SIPA1L1: variants seen among roughly 807,000 people sequenced by gnomAD.
SIPA1L1 encodes the protein signal-induced proliferation-associated 1-like protein 1.
Under a neutral mutation model 162.7 loss-of-function variants are expected in SIPA1L1, and 26 were observed. The ratio of observed to expected loss-of-function variants is 0.16; its 90% confidence interval spans 0.12 to 0.22. The LOEUF is 0.22. Among genes scored for constraint, SIPA1L1 ranks in the 10% least tolerant of loss-of-function variants. SIPA1L1 has a pLI of 1.00. For synonymous variants in SIPA1L1, 829 were observed against 837.4 expected, an observed-to-expected ratio of 0.99 and a Z score of 0.17; for missense variants, 1,874 against 2,241.0, an observed-to-expected ratio of 0.84 and a Z score of 3.31.
intron 17 of SIPA1L1, among the ~76,000 whole-genome samples, chr14:71,719,757 G>A (rs192220320): frequency 3.3e-5 from 5 of 152,294 alleles, no homozygotes; most frequent in African/African-American, 9.6e-5. Flanking sequence ...CCCCCAAAGT[G>A]CTGGGATTAC....
At chr14:71,531,842 A>G (rs574769091) in intron 4 of SIPA1L1, among the ~76,000 whole-genome samples, 40 of 152,316 alleles carry the variant, frequency 2.6e-4, no homozygotes, top group African/African-American at 8.7e-4. Context: ...TTTTGCATTC[A>G]AAAAACTAAT....
At chr14:71,416,538 A>G (rs1417967577) in intron 2 of SIPA1L1, among the ~76,000 whole-genome samples, 1 of 152,062 alleles carries the variant, frequency 6.6e-6, no homozygotes, top group African/African-American at 2.4e-5. Flanking sequence ...TTCTTCTGTT[A>G]TACATCCATT....
intron 17 of SIPA1L1, among the ~76,000 whole-genome samples, chr14:71,714,422 C>A (rs2083107818): frequency 6.6e-6 from 1 of 152,140 alleles, no homozygotes; most frequent in South Asian, 2.1e-4. Context: ...AGCCCAAATT[C>A]TTCAAGTGTC....
chr14:71,374,815 C>T (rs950465734), intron 2 of SIPA1L1, among the ~76,000 whole-genome samples: 3 of 151,424 alleles, frequency 2.0e-5, no homozygotes, highest in African/African-American at 7.3e-5. Flanking sequence ...TCTTCCTATA[C>T]AAGGTAAGGA....
At chr14:71,611,736 C>G (rs1286123030) in intron 5 of SIPA1L1, among the ~76,000 whole-genome samples, 1 of 152,304 alleles carries the variant, frequency 6.6e-6, no homozygotes, top group East Asian at 1.9e-4. Flanking sequence ...ACATGACTCA[C>G]TCTTTTTTAT....
chr14:71,560,010 G>A (rs980368058), intron 4 of SIPA1L1, among the ~76,000 whole-genome samples: 25 of 152,062 alleles, frequency 1.6e-4, no homozygotes, highest in Admixed American at 8.5e-4. Flanking sequence ...TCTGATTATT[G>A]TAACTGAATT....
At chr14:71,553,997 A>G (rs2056114820) in intron 4 of SIPA1L1, among the ~76,000 whole-genome samples, 1 of 152,222 alleles carries the variant, frequency 6.6e-6, no homozygotes, top group Non-Finnish European at 1.5e-5. Flanking sequence ...TCTGAATGGA[A>G]TATTCCGTTC....
chr14:71,738,204 GC>G, intron 22 of SIPA1L1, 36 bp from the exon 23 acceptor site: 1 of 1,076,302 alleles, frequency 9.3e-7, no homozygotes, highest in Non-Finnish European at 1.4e-6. Context: ...AGCCATGGAG[GC>G]CCCTGCCAAC....
intron 5 of SIPA1L1, among the ~76,000 whole-genome samples, chr14:71,614,077 G>A (rs1199042194): frequency 6.6e-6 from 1 of 152,122 alleles, no homozygotes; most frequent in Non-Finnish European, 1.5e-5. Context: ...GCACGTGCCT[G>A]TAGTCCCAGC....
At chr14:71,536,507 G>A (rs12885344) in intron 4 of SIPA1L1, among the ~76,000 whole-genome samples, 24,811 of 152,176 alleles carry the variant, frequency 0.16, 2,623 homozygotes, top group Middle Eastern at 0.35. Context: ...TTTAAAGGAA[G>A]TCTGCATTTT....
intron 4 of SIPA1L1, among the ~76,000 whole-genome samples, chr14:71,530,039 C>G (rs965997762): frequency 3.3e-5 from 5 of 152,190 alleles, no homozygotes; most frequent in African/African-American, 7.2e-5. Flanking sequence ...TGAAGCTTGC[C>G]CTTTCTCTGA....
At chr14:71,607,330 T>G (rs2148210119) in intron 5 of SIPA1L1, among the ~76,000 whole-genome samples, 1 of 151,900 alleles carries the variant, frequency 6.6e-6, no homozygotes, top group Non-Finnish European at 1.5e-5. Flanking sequence ...TTAACGTTTT[T>G]GCAACTGTGT....
chr14:71,424,851 A>G (rs575567131), intron 2 of SIPA1L1, among the ~76,000 whole-genome samples: 111 of 152,010 alleles, frequency 7.3e-4, no homozygotes, highest in African/African-American at 1.9e-3. Flanking sequence ...TTAGTTCCTT[A>G]TTTGTTTGGT....
chr14:71,349,865 G>A (rs1245279271), intron 2 of SIPA1L1, among the ~76,000 whole-genome samples: 1 of 152,168 alleles, frequency 6.6e-6, no homozygotes, highest in Non-Finnish European at 1.5e-5. Flanking sequence ...GCATTAGTAA[G>A]TAATCCCCAA....
intron 3 of SIPA1L1, among the ~76,000 whole-genome samples, chr14:71,528,204 T>G (rs1334299493): frequency 6.6e-6 from 1 of 152,214 alleles, no homozygotes; most frequent in Non-Finnish European, 1.5e-5. Context: ...AATCATATTT[T>G]TGCATTTTTT....
intron 17 of SIPA1L1, 116 bp downstream of exon 17, chr14:71,709,780 A>G: frequency 1.5e-5 from 12 of 798,142 alleles, no homozygotes; most frequent in Non-Finnish European, 2.3e-5. Flanking sequence ...TTCTGCAGTG[A>G]CAATTATTTT....
chr14:71,388,118 G>A (rs2040479040), intron 2 of SIPA1L1, among the ~76,000 whole-genome samples: 1 of 152,026 alleles, frequency 6.6e-6, no homozygotes, highest in Non-Finnish European at 1.5e-5. Flanking sequence ...TGCAGAAAAT[G>A]GCATTTATTG....
intron 2 of SIPA1L1, among the ~76,000 whole-genome samples, chr14:71,361,952 A>G (rs1453063691): frequency 1.3e-5 from 2 of 152,240 alleles, no homozygotes; most frequent in Non-Finnish European, 2.9e-5. Flanking sequence ...AATGCGTCAC[A>G]CTAGCTAATT....
chr14:71,425,309 G>C (rs946743820), intron 2 of SIPA1L1, among the ~76,000 whole-genome samples: 1 of 151,918 alleles, frequency 6.6e-6, no homozygotes, highest in African/African-American at 2.4e-5. Context: ...TTAAAGTTAG[G>C]TTTTTGACTT....
Sources: gnomAD v4.1 joint callset for allele counts (sites outside exome capture counted in the v4.1 genomes callset) on GRCh38, gnomAD v4.1.1 for gene constraint, MANE v1.5 for transcripts, NCBI Gene and HGNC (gene_info 2026-07-23, HGNC 2026-07-21) for gene names.